Variants in MEI1 observed in about 807,000 individuals in gnomAD.
MEI1 encodes meiotic double-stranded break formation protein 1.
MEI1 carries 103 observed loss-of-function variants against 146.2 expected under a neutral mutation model. The observed-to-expected ratio is 0.70, with a 90% CI of 0.60 to 0.83. The LOEUF is 0.83. Among genes scored for constraint, MEI1 ranks in the 40% least tolerant of loss-of-function variants. The pLI, the probability that MEI1 is intolerant of heterozygous loss-of-function variation, is 0.00. For missense variants in MEI1, 1,529 were observed against 1,533.0 expected (o/e 1.00, Z 0.04); for synonymous variants, 652 against 628.2 (o/e 1.04, Z -0.57).
Position 41,758,525 on chromosome 22 carries a change from T to C in MEI1, c.2112T>C (p.His704=). 6.2e-7 allele frequency: 1 copy of C among 1,612,568 alleles called. No homozygotes were observed. The highest frequency in any genetic ancestry group is 8.5e-7 in the Non-Finnish European group (1 of 1,179,118). The part of the protein sequence containing the change: ...ILLLFYLAYI[H]EDRFVSEAEL... The stretch of plus-strand genomic sequence containing the variant: ...TCCTCTTCTACTTGGCCTACATCCA[T>C]GAAGACAGGTCAGTGCACAGAGGTG... The change falls in exon 18 of 31, where the codon CAT becomes CAC. Residue 704 remains histidine (H), a synonymous_variant. Transcript: ENST00000401548.
intron 1 of MEI1, among the ~76,000 whole-genome samples, chr22:41,702,961 G>A (rs1468458837): frequency 3.9e-5 from 6 of 152,022 alleles, no homozygotes; most frequent in South Asian, 2.1e-4. Context: ...CTCGTGATAC[G>A]CCCGCCTTGG....
chr22:41,721,487 G>T (rs1339216607), intron 6 of MEI1, among the ~76,000 whole-genome samples: 4 of 150,914 alleles, frequency 2.7e-5, no homozygotes, highest in Non-Finnish European at 4.4e-5. Context: ...CTCGTGATTC[G>T]CCTGCCTTGG....
rs751640597 is a variant in MEI1 at position 41,784,374 on chromosome 22, A to T, written c.3123A>T (p.Val1041=). 5 of 1,613,818 alleles carry T rather than the reference A, an allele frequency of 3.1e-6. No individual in the cohort carries two copies. The highest frequency in any genetic ancestry group is 1.6e-4 in the Middle Eastern group (1 of 6,082). ...HQTLSVEMDQ[V]LKALSFPKKK... ...CACTCTCTGTGGAAATGGACCAAGT[A>T]TTGAAGGCTCTCAGCTTTCCAAAGA... The change falls in exon 25 of 31, where the codon GTA becomes GTT. Residue 1041 remains valine, a synonymous_variant. Transcript: ENST00000401548.
In MEI1 at chr22:41,794,384, C is replaced by T. The variant is rs200058060; in HGVS notation, c.3441C>T (p.Ala1147=). 3 of 1,613,954 alleles carry T rather than the reference C, an allele frequency of 1.9e-6. No homozygotes were observed. Among genetic ancestry groups the T allele is most frequent in the Non-Finnish European group, 2.5e-6 (3 of 1,179,842 alleles). Reference sequence around the variant, plus strand: ...TGTTTCTTGAAGCTCTCCACGTGGCCTCCCAGCCTTGGAATCGGTTTTTGC... The same window carrying T: ...TGTTTCTTGAAGCTCTCCACGTGGCTTCCCAGCCTTGGAATCGGTTTTTGC... ...ARSPDIALHV[A]SQPWNRFLLF... The change falls in exon 28 of 31, where the codon GCC becomes GCT. Residue 1147 remains alanine, a synonymous_variant. Transcript: ENST00000401548.
At chr22:41,761,622 C>A (rs1231213273) in intron 18 of MEI1, among the ~76,000 whole-genome samples, 1 of 151,470 alleles carries the variant, frequency 6.6e-6, no homozygotes, top group Non-Finnish European at 1.5e-5. Context: ...CCGACTCAGT[C>A]TTAAAAGAAA....
At chr22:41,709,574 C>T (rs751338017) in intron 3 of MEI1, 21 of 481,256 alleles carry the variant, frequency 4.4e-5, no homozygotes, top group Non-Finnish European at 7.0e-5. Context: ...GGGTTGTTCT[C>T]GCCTCTTCTT....
chr22:41,746,541 T>C (rs1327062549), intron 14 of MEI1, among the ~76,000 whole-genome samples: 1 of 152,148 alleles, frequency 6.6e-6, no homozygotes, highest in Non-Finnish European at 1.5e-5. Context: ...AGATGGCCAC[T>C]CTGAAGAGAG....
rs1405435604 is a variant in MEI1, at chr22:41,703,372, C to G, written c.216C>G (p.Ala72=). ...ACATGTTGTCCTGCTTCCAAGATGCCCTTGTGAGGCATACCTCCCTGGTCA... is the reference window on the plus strand; with the variant it reads ...ACATGTTGTCCTGCTTCCAAGATGCGCTTGTGAGGCATACCTCCCTGGTCA... The part of the protein sequence containing the change: ...KKHMLSCFQD[A]LVRHTSLVTQ... The change falls in exon 2 of 31, where the codon GCC becomes GCG. Residue 72 remains alanine (A), a synonymous_variant. Transcript: ENST00000401548. 1 of 1,612,216 alleles carries G rather than the reference C, an allele frequency of 6.2e-7. No individual in the cohort carries two copies. Among genetic ancestry groups the G allele is most frequent in the Admixed American group, 1.7e-5 (1 of 59,734 alleles).
In MEI1 at chr22:41,762,549, G is replaced by GTTT. The variant is rs554541069; in HGVS notation, c.2121-625_2121-624insTTT. 1.2e-4 allele frequency among the ~76,000 whole-genome samples: 16 copies of GTTT among 128,788 alleles called. 1 individual carries two copies. Among genetic ancestry groups the GTTT allele is most frequent in the South Asian group, 2.5e-4 (1 of 3,986 alleles). 84.5% of individuals were successfully genotyped at this position (128,788 alleles called of 152,430 possible). A position where few individuals can be genotyped will look rare whatever the true frequency, so the allele number is the denominator to read the frequency against. ...GTCTACACAACCAGCTAATTTAACT[G>GTTT]ATTTTTTTTTTTTTTTTTGTAGAGA... On this transcript the variant is annotated intron_variant, in intron 18 of 30. Transcript: ENST00000401548.
At chr22:41,718,375 T>C in intron 6 of MEI1, 101 bp downstream of exon 6, 1 of 1,133,276 alleles carries the variant, frequency 8.8e-7, no homozygotes. Context: ...GTTTGCTGTT[T>C]TGCAAAAGGT....
chr22:41,752,405 CA>C (rs2073818786), intron 15 of MEI1, 185 bp from the exon 16 acceptor site: 2 of 599,264 alleles, frequency 3.3e-6, no homozygotes, highest in East Asian at 2.8e-5. Flanking sequence ...GTACAAATAT[CA>C]AAACTGAGTC....
At chr22:41,778,618 T>C (rs2075593404) in intron 21 of MEI1, 90 bp from the exon 22 acceptor site, 1 of 961,178 alleles carries the variant, frequency 1.0e-6, no homozygotes, top group African/African-American at 1.6e-5. Context: ...TTGAACCTGT[T>C]ATTAAGGGCC....
At position 41,723,850 on chromosome 22, in the gene MEI1, GA is replaced by G. The variant is rs1225305706; in HGVS notation, c.734-91del. 8.4e-5 allele frequency: 120 copies of G among 1,436,700 alleles called. 1 individual carries two copies. Among genetic ancestry groups the G allele is most frequent in the Non-Finnish European group, 1.1e-4 (118 of 1,062,798 alleles). 89.0% of individuals were successfully genotyped at this position (1,436,700 alleles called of 1,614,324 possible). On this transcript the variant is annotated intron_variant, in intron 6 of 30. Transcript: ENST00000401548. ...TTCTTCATATTTGTAGAGGGATGAAGAAGTTTCTCTGGGGATGTCTGAGGGG... is the reference window on the plus strand; with the variant it reads ...TTCTTCATATTTGTAGAGGGATGAAGAGTTTCTCTGGGGATGTCTGAGGGG...
chr22:41,704,500 A>C (rs2068937635), intron 2 of MEI1, among the ~76,000 whole-genome samples: 2 of 142,324 alleles, frequency 1.4e-5, no homozygotes, highest in South Asian at 4.4e-4. Flanking sequence ...TGCAACCTCC[A>C]CCTCCTGAGT....
intron 15 of MEI1, among the ~76,000 whole-genome samples, chr22:41,749,374 C>A (rs2147827762): frequency 6.6e-6 from 1 of 152,060 alleles, no homozygotes; most frequent in South Asian, 2.1e-4. Flanking sequence ...CTCCCGGGTT[C>A]AAGTGATTCT....
chr22:41,793,029 ATTCTTTTTTTTTT>A (rs1258647403), intron 26 of MEI1, among the ~76,000 whole-genome samples: 1 of 62,736 alleles, frequency 1.6e-5, no homozygotes, highest in African/African-American at 4.5e-5. Flanking sequence ...GAAACAAAGC[ATTCTTTTTTTTTT>A]TTTTTTTTTT....
chr22:41,749,851 T>G (rs1052734053), intron 15 of MEI1, among the ~76,000 whole-genome samples: 2 of 150,808 alleles, frequency 1.3e-5, no homozygotes, highest in Non-Finnish European at 3.0e-5. Context: ...ATGTGGATGG[T>G]GGTGTGTTTA....
At chr22:41,781,866 GC>G (rs5845511) in intron 24 of MEI1, 21 bp downstream of exon 24, 1 of 1,612,580 alleles carries the variant, frequency 6.2e-7, no homozygotes, top group Admixed American at 1.7e-5. Context: ...AACTCCTGTG[GC>G]TTTGAGGCAT....
Position 41,777,108 on chromosome 22 carries a change from C to T in MEI1, c.2710+841C>T, listed in dbSNP as rs138448696. ...GTTGGATTACAGGGGTGAGCCACTG[C>T]GCCCAGCTTAGTTTTTTTCTATTTT... On this transcript the variant is annotated intron_variant, in intron 21 of 30. Coordinates refer to ENST00000401548, the MANE Select transcript of MEI1 (RefSeq NM_152513.4). 3.8e-4 allele frequency among the ~76,000 whole-genome samples: 58 copies of T among 151,430 alleles called. No individual in the cohort carries two copies. The East Asian group carries it at 0.011, about 29-fold the overall frequency.
Sources: allele counts gnomAD v4.1 joint callset (sites outside exome capture counted in the v4.1 genomes callset), GRCh38; gene constraint gnomAD v4.1.1; transcripts MANE v1.5; gene names NCBI Gene and HGNC (gene_info 2026-07-23, HGNC 2026-07-21).